The following ABCA5 variants were observed in gnomAD, a reference collection of about 807,000 sequenced individuals.
ABCA5 encodes ATP binding cassette subfamily A member 5.
In ABCA5, 163 loss-of-function variants were observed where a neutral mutation model predicts 206.0. The observed-to-expected ratio is 0.79, with a 90% CI of 0.70 to 0.90. The LOEUF (loss-of-function observed/expected upper bound fraction) is 0.90, where lower values mean the gene tolerates loss of function less well. Among genes scored for constraint, ABCA5 ranks in the 40% least tolerant of loss-of-function variants. The pLI, the probability that ABCA5 is intolerant of heterozygous loss-of-function variation, is 0.00. For missense variants in ABCA5, 1,859 were observed against 1,912.9 expected (o/e 0.97, Z 0.53); for synonymous variants, 609 against 613.8 (o/e 0.99, Z 0.11).
chr17:69,268,129 T>C (rs1185662436), intron 22 of ABCA5, 73 bp from the exon 23 acceptor site: 3 of 641,180 alleles, frequency 4.7e-6, no homozygotes, highest in Non-Finnish European at 2.7e-6. Context: ...TTAGGATATA[T>C]CTTATATCAA....
chr17:69,256,123 A>C (rs763911654), intron 29 of ABCA5, 34 bp downstream of exon 29: 2 of 1,519,328 alleles, frequency 1.3e-6, no homozygotes, highest in African/African-American at 2.9e-5. Flanking sequence ...ATCATTTCAT[A>C]TTTACTATGA....
Position 69,289,262 on chromosome 17 carries a change from G to C in ABCA5, c.1817C>G (p.Thr606Ser). ...QKVLLDLDMQTIKDNQAKKLS... is the reference protein window; with the variant it reads ...QKVLLDLDMQSIKDNQAKKLS... ...TTTTTTAGCTTGGTTATCTTTGATAGTCTGCATGTCTAAATCTAGTAAAAC... is the reference window on the plus strand; with the variant it reads ...TTTTTTAGCTTGGTTATCTTTGATACTCTGCATGTCTAAATCTAGTAAAAC... The change falls in exon 14 of 39, where the codon ACT (threonine) becomes AGT (serine). Residue 606 changes from threonine to serine, a missense_variant. Coordinates refer to ENST00000392676, the MANE Select transcript of ABCA5 (RefSeq NM_172232.4). The C allele has an allele frequency of 2.5e-6, 4 of 1,603,036 alleles. No homozygotes were observed. Among genetic ancestry groups the C allele is most frequent in the Non-Finnish European group, 1.7e-6 (2 of 1,175,574 alleles).
chr17:69,323,062 T>G (rs528824157), intron 1 of ABCA5, among the ~76,000 whole-genome samples: 11 of 152,294 alleles, frequency 7.2e-5, no homozygotes, highest in African/African-American at 2.6e-4. Context: ...GTCTGTCTAC[T>G]TGGGGCTTCT....
At chr17:69,311,772 G>A (rs190518050) in intron 3 of ABCA5, among the ~76,000 whole-genome samples, 99 of 152,188 alleles carry the variant, frequency 6.5e-4, no homozygotes, top group South Asian at 4.1e-4. Flanking sequence ...GATTACAGGC[G>A]TGAGTCACCA....
chr17:69,266,543 T>G (rs376012857), intron 23 of ABCA5, among the ~76,000 whole-genome samples: 3 of 149,506 alleles, frequency 2.0e-5, no homozygotes, highest in African/African-American at 7.3e-5. Context: ...AATGTGCACA[T>G]GTACCCTAAA....
intron 5 of ABCA5, among the ~76,000 whole-genome samples, chr17:69,307,693 C>T (rs749236566): frequency 6.6e-6 from 1 of 152,062 alleles, no homozygotes; most frequent in African/African-American, 2.4e-5. Flanking sequence ...TAAATCATCT[C>T]ATTTGGTTCT....
chr17:69,295,858 T>A (rs12450743), intron 10 of ABCA5, among the ~76,000 whole-genome samples: 46 of 152,044 alleles, frequency 3.0e-4, no homozygotes, highest in African/African-American at 1.1e-3. Context: ...AAAAAAATTT[T>A]CAATATATTT....
At chr17:69,263,167 C>T (rs1371549608) in intron 24 of ABCA5, among the ~76,000 whole-genome samples, 2 of 152,034 alleles carry the variant, frequency 1.3e-5, no homozygotes, top group Non-Finnish European at 2.9e-5. Flanking sequence ...TGTATTTTCT[C>T]CCATTCTGTA....
intron 1 of ABCA5, among the ~76,000 whole-genome samples, chr17:69,321,705 A>G (rs1332036488): frequency 6.6e-6 from 1 of 152,184 alleles, no homozygotes; most frequent in Non-Finnish European, 1.5e-5. Context: ...ACACTCTTTA[A>G]CAAAGCCAAT....
Position 69,306,779 on chromosome 17 carries a change from T to C in ABCA5, c.734A>G (p.Glu245Gly), listed in dbSNP as rs1351733432. 1.0e-5 allele frequency: 16 copies of C among 1,577,536 alleles called. No homozygotes were observed. Among genetic ancestry groups the C allele is most frequent in the Non-Finnish European group, 1.4e-5 (16 of 1,162,676 alleles). The change falls in exon 6 of 39, where the codon GAA becomes GGA. Residue 245 changes from glutamate (E) to glycine (G), a missense_variant. Glu to Gly is a moderately conservative substitution (Grantham distance 98, BLOSUM62 -2). Coordinates refer to ENST00000392676, the MANE Select transcript of ABCA5 (RefSeq NM_172232.4). ...CTTTAAAAATTCTTTTATTTTTTTTTCTTTTTCTGCTACGATATGAATTGC... is the reference window on the plus strand; with the variant it reads ...CTTTAAAAATTCTTTTATTTTTTTTCCTTTTTCTGCTACGATATGAATTGC... ...FLAIHIVAEK[E>G]KKIKEFLKIM... is the part of the protein sequence containing the mutation.
At chr17:69,259,823 A>G in intron 27 of ABCA5, 26 bp from the exon 28 acceptor site, 1 of 1,396,384 alleles carries the variant, frequency 7.2e-7, no homozygotes, top group African/African-American at 1.5e-5. Context: ...GTAGCAGCTC[A>G]TGACTAAAAG....
At chr17:69,262,396 C>T (rs1237291553) in intron 24 of ABCA5, among the ~76,000 whole-genome samples, 1 of 152,046 alleles carries the variant, frequency 6.6e-6, no homozygotes, top group Non-Finnish European at 1.5e-5. Context: ...CTCCTGCCCC[C>T]GTCTAGTAGT....
intron 25 of ABCA5, 75 bp from the exon 26 acceptor site, chr17:69,261,334 A>C: frequency 7.3e-7 from 1 of 1,370,432 alleles, no homozygotes; most frequent in Non-Finnish European, 9.9e-7. Flanking sequence ...TACGCATTAA[A>C]CTATTTTTTC....
At position 69,246,424 on chromosome 17, in the gene ABCA5, A is replaced by G. The variant is rs2074951835; in HGVS notation, c.*1113T>C. ...TGGGTTGTACAAGGAAGTATTTCTA[A>G]GAAAATATTAGCCATGCCTTTAACT... On this transcript the variant is annotated 3_prime_UTR_variant, in exon 39 of 39. Transcript: ENST00000392676. 1 of 151,972 alleles carries G rather than the reference A, an allele frequency of 6.6e-6. No homozygotes were observed. Among genetic ancestry groups the G allele is most frequent in the Non-Finnish European group, 1.5e-5 (1 of 67,832 alleles). The allele number at this position is 151,972 out of a possible 1,614,324, so 9.4% of individuals were successfully genotyped here.
chr17:69,291,939 C>G (rs746646805), intron 11 of ABCA5, among the ~76,000 whole-genome samples: 22 of 151,958 alleles, frequency 1.4e-4, no homozygotes, highest in Non-Finnish European at 2.2e-4. Flanking sequence ...ATGGCGAAAT[C>G]CCGTCTCTAC....
At chr17:69,254,576 T>A (rs954711006) in intron 31 of ABCA5, 86 bp from the exon 32 acceptor site, 1 of 999,152 alleles carries the variant, frequency 1.0e-6, no homozygotes, top group African/African-American at 1.6e-5. Context: ...AACCCCTTCC[T>A]ACAGCCAGAC....
chr17:69,259,142 A>G (rs1360401130), intron 28 of ABCA5, among the ~76,000 whole-genome samples: 1 of 152,046 alleles, frequency 6.6e-6, no homozygotes, highest in Non-Finnish European at 1.5e-5. Flanking sequence ...AACTAGCAAC[A>G]TTGTTCATAA....
chr17:69,276,861 C>G (rs1000450061), intron 19 of ABCA5, among the ~76,000 whole-genome samples: 25 of 151,994 alleles, frequency 1.6e-4, no homozygotes, highest in African/African-American at 5.8e-4. Flanking sequence ...TCAGTAATGC[C>G]GACCAGGGAA....
At chr17:69,318,615 T>C in intron 1 of ABCA5, 1 of 320,540 alleles carries the variant, frequency 3.1e-6, no homozygotes. Context: ...ACTGTAAAAA[T>C]ACTAAATGAG....
Sources: gnomAD v4.1 joint callset for allele counts (sites outside exome capture counted in the v4.1 genomes callset) on GRCh38, gnomAD v4.1.1 for gene constraint, MANE v1.5 for transcripts, NCBI Gene and HGNC (gene_info 2026-07-23, HGNC 2026-07-21) for gene names.